TDRD9: variants seen among roughly 807,000 people sequenced by gnomAD.
TDRD9 encodes the protein tudor domain containing 9, also known as ATP-dependent RNA helicase TDRD9.
Under a neutral mutation model 172.6 loss-of-function variants are expected in TDRD9, and 124 were observed. The ratio of observed to expected loss-of-function variants is 0.72; its 90% CI spans 0.62 to 0.83. The LOEUF is 0.83. Among genes scored for constraint, TDRD9 ranks in the 40% least tolerant of loss-of-function variants. The pLI is 0.00. For synonymous variants in TDRD9, 619 were observed against 617.1 expected, an observed-to-expected ratio of 1.00 and a Z score of -0.05; for missense variants, 1,479 against 1,714.1, an observed-to-expected ratio of 0.86 and a Z score of 2.42.
Position 104,004,235 on chromosome 14 carries a change from A to C in TDRD9, c.1484-3A>C. ...ACACTGTTTGCACATCTCTCCTTTG[A>C]AGGCCGTGCTGGACGAGTGTCTAGA... is the stretch of plus-strand genomic sequence containing the variant. On this transcript the variant is annotated splice_region_variant and splice_polypyrimidine_tract_variant and intron_variant, in intron 13 of 35. Transcript: ENST00000409874. 1 of 1,554,010 alleles carries C rather than the reference A, an allele frequency of 6.4e-7. No individual in the cohort carries two copies. Among genetic ancestry groups the C allele is most frequent in the Non-Finnish European group, 8.8e-7 (1 of 1,133,022 alleles).
intron 13 of TDRD9, among the ~76,000 whole-genome samples, 199 bp downstream of exon 13, chr14:103,998,927 G>A (rs1167221808): frequency 6.6e-6 from 1 of 152,038 alleles, no homozygotes. Context: ...CGAGTTGCTG[G>A]GACTACAGGC....
At chr14:103,932,038 T>A (rs1391293402) in intron 1 of TDRD9, among the ~76,000 whole-genome samples, 2 of 152,196 alleles carry the variant, frequency 1.3e-5, no homozygotes, top group Non-Finnish European at 2.9e-5. Flanking sequence ...GGCCTGGTTT[T>A]GGCCAACAAC....
At chr14:104,019,953 A>G (rs949417111) in intron 23 of TDRD9, among the ~76,000 whole-genome samples, 6 of 152,214 alleles carry the variant, frequency 3.9e-5, no homozygotes, top group African/African-American at 1.4e-4. Context: ...GGGCTGGTGC[A>G]GTGGCCAGTG....
intron 3 of TDRD9, among the ~76,000 whole-genome samples, chr14:103,963,418 A>G (rs556108583): frequency 3.9e-5 from 6 of 152,348 alleles, no homozygotes; most frequent in East Asian, 1.9e-4. Flanking sequence ...GCCTGAGTAC[A>G]TCTTCTAACA....
intron 8 of TDRD9, among the ~76,000 whole-genome samples, chr14:103,987,141 C>T (rs1317510842): frequency 6.6e-6 from 1 of 151,696 alleles, no homozygotes; most frequent in Non-Finnish European, 1.5e-5. Context: ...CACACACACA[C>T]ACACACACAC....
intron 7 of TDRD9, 86 bp from the exon 8 acceptor site, chr14:103,986,131 A>G: frequency 1.0e-5 from 9 of 890,432 alleles, no homozygotes; most frequent in East Asian, 2.5e-5. Context: ...GTGTTGTACT[A>G]ATGGTGAGAG....
intron 19 of TDRD9, among the ~76,000 whole-genome samples, chr14:104,007,856 C>T (rs1227658436): frequency 6.6e-6 from 1 of 152,026 alleles, no homozygotes; most frequent in Non-Finnish European, 1.5e-5. Flanking sequence ...TGGCTCACTG[C>T]AAGCTCTGTC....
chr14:104,028,179 C>T (rs899884333), intron 28 of TDRD9, among the ~76,000 whole-genome samples: 2 of 152,138 alleles, frequency 1.3e-5, no homozygotes, highest in Non-Finnish European at 2.9e-5. Context: ...CTCTGATGTA[C>T]TGATTTCCTT....
At position 104,031,252 on chromosome 14, in the gene TDRD9, C is replaced by G. The variant is rs1471897931; in HGVS notation, c.3427C>G (p.Pro1143Ala). ...CTTTTCTACCAATAAACTGGGTACTCCAAACTGTAAGGTGATTGTAGGAGT... is the reference window on the plus strand; with the variant it reads ...CTTTTCTACCAATAAACTGGGTACTGCAAACTGTAAGGTGATTGTAGGAGT... The part of the protein sequence containing the change: ...ESFSTNKLGT[P>A]NCKAELHGPF... The change falls in exon 29 of 36, where the codon CCA (proline) becomes GCA (alanine). Residue 1143 changes from proline to alanine, a missense_variant. By Grantham distance (27) the Pro-to-Ala change is conservative. This residue lies in a region of TDRD9 where 1,413 missense variants were observed against 1,649.1 expected (regional missense o/e 0.86). Coordinates refer to ENST00000409874, the MANE Select transcript of TDRD9 (RefSeq NM_153046.3). 8 of 1,550,380 alleles carry G rather than the reference C, an allele frequency of 5.2e-6. No individual in the cohort carries two copies. The highest frequency in any genetic ancestry group is 3.5e-6 in the Non-Finnish European group (4 of 1,146,570).
chr14:104,038,656 C>G (rs1271529777), intron 32 of TDRD9, among the ~76,000 whole-genome samples: 1 of 152,090 alleles, frequency 6.6e-6, no homozygotes, highest in Non-Finnish European at 1.5e-5. Context: ...TGAGAATGAG[C>G]CAGGTGGCAG....
At chr14:104,004,595 A>T (rs892478614) in intron 14 of TDRD9, among the ~76,000 whole-genome samples, 2 of 151,972 alleles carry the variant, frequency 1.3e-5, no homozygotes, top group African/African-American at 2.4e-5. Context: ...GGCCAGACTG[A>T]TCTCGAACTC....
At chr14:104,038,489 C>T (rs1174496164) in intron 32 of TDRD9, among the ~76,000 whole-genome samples, 4 of 152,136 alleles carry the variant, frequency 2.6e-5, no homozygotes, top group Non-Finnish European at 5.9e-5. Context: ...TTGGGGCCTC[C>T]AGCTGAAGGA....
intron 7 of TDRD9, among the ~76,000 whole-genome samples, chr14:103,977,909 A>G (rs1173135100): frequency 2.0e-5 from 3 of 152,158 alleles, no homozygotes; most frequent in East Asian, 3.8e-4. Context: ...TCCCAGCACC[A>G]TTTATTGAAG....
intron 13 of TDRD9, among the ~76,000 whole-genome samples, chr14:104,003,799 G>A (rs1375936647): frequency 6.6e-6 from 1 of 152,138 alleles, no homozygotes; most frequent in Non-Finnish European, 1.5e-5. Flanking sequence ...AGTGGGGCAA[G>A]GAGCTGTGGG....
At chr14:103,950,308 T>A (rs2031806550) in intron 1 of TDRD9, among the ~76,000 whole-genome samples, 1 of 151,700 alleles carries the variant, frequency 6.6e-6, no homozygotes, top group Non-Finnish European at 1.5e-5. Context: ...TAGGCTGGGC[T>A]TGAACTCCCG....
At chr14:104,019,764 T>C (rs2034897916) in intron 23 of TDRD9, among the ~76,000 whole-genome samples, 2 of 152,208 alleles carry the variant, frequency 1.3e-5, no homozygotes, top group African/African-American at 4.8e-5. Flanking sequence ...CATAAGAAGC[T>C]TTCAACTTCG....
intron 1 of TDRD9, among the ~76,000 whole-genome samples, chr14:103,947,835 C>A (rs993272543): frequency 6.6e-6 from 1 of 152,018 alleles, no homozygotes; most frequent in African/African-American, 2.4e-5. Context: ...GGATATGACA[C>A]CAAAGGCACA....
chr14:103,977,255 G>T (rs2033281268), intron 7 of TDRD9, among the ~76,000 whole-genome samples: 1 of 152,062 alleles, frequency 6.6e-6, no homozygotes, highest in Non-Finnish European at 1.5e-5. Flanking sequence ...ACTTTGGGAG[G>T]CCGAGGCCGG....
intron 34 of TDRD9, among the ~76,000 whole-genome samples, chr14:104,048,505 C>G (rs558404266): frequency 1.3e-5 from 2 of 152,280 alleles, no homozygotes; most frequent in South Asian, 4.2e-4. Context: ...AGTGATCAAT[C>G]AAAAGTTGTC....
Sources: gnomAD v4.1 joint callset for allele counts (sites outside exome capture counted in the v4.1 genomes callset) on GRCh38, gnomAD v4.1.1 for gene constraint, gnomAD v4.1.1 regional missense constraint, MANE v1.5 for transcripts, NCBI Gene and HGNC (gene_info 2026-07-23, HGNC 2026-07-21) for gene names.